Variants in RFTN2 observed in about 807,000 individuals in gnomAD.
The protein encoded by RFTN2 is raftlin family member 2.
Under a neutral mutation model 52.7 loss-of-function variants are expected in RFTN2, and 34 were observed. The ratio of observed to expected loss-of-function variants is 0.64; its 90% confidence interval spans 0.49 to 0.86. RFTN2 has a LOEUF of 0.86. Among genes scored for constraint, RFTN2 ranks in the 40% least tolerant of loss-of-function variants. The pLI is 0.00. For synonymous variants in RFTN2, 203 were observed against 217.7 expected (o/e 0.93, Z 0.59); for missense variants, 536 against 600.1 (o/e 0.89, Z 1.12).
chr2:197,651,873 T>C (rs1385988260), intron 1 of RFTN2, among the ~76,000 whole-genome samples: 1 of 152,158 alleles, frequency 6.6e-6, no homozygotes, highest in African/African-American at 2.4e-5. Context: ...GCAACGTAGG[T>C]TGCAAAATGA....
intron 5 of RFTN2, among the ~76,000 whole-genome samples, chr2:197,620,732 C>T (rs919425153): frequency 6.6e-6 from 1 of 152,116 alleles, no homozygotes; most frequent in South Asian, 2.1e-4. Flanking sequence ...TTTGGGAGGC[C>T]GAGGCAGGCA....
intron 5 of RFTN2, among the ~76,000 whole-genome samples, chr2:197,619,534 C>A (rs2088221202): frequency 1.3e-5 from 2 of 149,088 alleles, no homozygotes; most frequent in African/African-American, 4.9e-5. Context: ...TAAACAGATG[C>A]TTGAAGGCAG....
chr2:197,624,597 C>CAAAAAAAAAA (rs746144794), intron 5 of RFTN2, among the ~76,000 whole-genome samples: 2 of 57,912 alleles, frequency 3.5e-5, no homozygotes, highest in African/African-American at 7.3e-5. Flanking sequence ...GACTCTGTCT[C>CAAAAAAAAAA]AAAAAAAAAA....
intron 8 of RFTN2, among the ~76,000 whole-genome samples, chr2:197,575,758 T>TTA (rs1275909592): frequency 7.8e-6 from 1 of 127,620 alleles, no homozygotes; most frequent in Non-Finnish European, 1.7e-5. Context: ...AATATATTTT[T>TTA]TATATATATA....
At chr2:197,633,269 T>C (rs1229443791) in intron 4 of RFTN2, among the ~76,000 whole-genome samples, 1 of 152,226 alleles carries the variant, frequency 6.6e-6, no homozygotes, top group African/African-American at 2.4e-5. Flanking sequence ...TTTCACATTC[T>C]AGTTGATGAT....
At chr2:197,598,281 C>G (rs916104775) in intron 7 of RFTN2, among the ~76,000 whole-genome samples, 15 of 151,930 alleles carry the variant, frequency 9.9e-5, no homozygotes, top group Non-Finnish European at 1.9e-4. Flanking sequence ...GATCACGCCA[C>G]TGAACTCTAC....
At chr2:197,634,217 C>G (rs984852726) in intron 3 of RFTN2, among the ~76,000 whole-genome samples, 10 of 152,082 alleles carry the variant, frequency 6.6e-5, no homozygotes, top group Non-Finnish European at 1.2e-4. Flanking sequence ...ACCAAATATA[C>G]TTTAGAAATT....
chr2:197,658,131 GT>G lies in RFTN2; in HGVS notation c.140-11466del, dbSNP rs1442268554. On this transcript the variant is annotated intron_variant, in intron 1 of 8. Coordinates refer to ENST00000295049, the MANE Select transcript of RFTN2 (RefSeq NM_144629.3). ...GCAGTAATATCAGAGCCTCTATTATGTTTTTTTCCCCCTCATGCTACCTTGT... is the reference window on the plus strand; with the variant it reads ...GCAGTAATATCAGAGCCTCTATTATGTTTTTTCCCCCTCATGCTACCTTGT... Among the ~76,000 whole-genome samples the G allele has an allele frequency of 2.7e-5, 4 of 149,086 alleles. 1 individual carries two copies. The highest frequency in any genetic ancestry group is 5.0e-5 in the African/African-American group (2 of 40,328).
intron 7 of RFTN2, among the ~76,000 whole-genome samples, chr2:197,606,134 C>T (rs997795354): frequency 6.6e-6 from 1 of 152,056 alleles, no homozygotes; most frequent in African/African-American, 2.4e-5. Context: ...AGACTTTTTT[C>T]ACCCCCTCAC....
rs2087502072 is a variant in RFTN2, at chr2:197,581,166, G to A, written c.1234-8886C>T. Among the ~76,000 whole-genome samples, 3 of 152,152 alleles carry A rather than the reference G, an allele frequency of 2.0e-5. No individual in the cohort carries two copies. In the South Asian group the frequency reaches 6.2e-4, roughly 32 times the overall value. On this transcript the variant is annotated intron_variant, in intron 8 of 8. Transcript: ENST00000295049. ...GTTATTGCTCACCTGCTACAGCATGGGCTTCTAAAACCTATAAACTCTCCT... is the reference window on the plus strand; with the variant it reads ...GTTATTGCTCACCTGCTACAGCATGAGCTTCTAAAACCTATAAACTCTCCT...
chr2:197,624,522 C>T (rs892808669), intron 5 of RFTN2, among the ~76,000 whole-genome samples: 12 of 148,132 alleles, frequency 8.1e-5, no homozygotes, highest in Middle Eastern at 3.5e-3. Context: ...GGCGTGAACC[C>T]GGGAGGCGGA....
chr2:197,590,461 T>A (rs1046739014), intron 8 of RFTN2, among the ~76,000 whole-genome samples: 1 of 152,046 alleles, frequency 6.6e-6, no homozygotes, highest in Non-Finnish European at 1.5e-5. Context: ...AAGAAAAAAA[T>A]CCAATGATAC....
chr2:197,575,548 C>T (rs1345640183), intron 8 of RFTN2, among the ~76,000 whole-genome samples: 2 of 151,998 alleles, frequency 1.3e-5, no homozygotes, highest in South Asian at 2.1e-4. Context: ...GCAGAGAATG[C>T]TCTTGGTTCA....
intron 8 of RFTN2, chr2:197,587,926 G>C: frequency 2.2e-6 from 1 of 459,014 alleles, no homozygotes; most frequent in South Asian, 1.6e-5. Context: ...CCCAGACCCA[G>C]AAAGAAAACA....
chr2:197,614,629 G>A lies in RFTN2; in HGVS notation c.1154+1247C>T, dbSNP rs536457234. ...CACCCCTAGACGCTACCATGGGGCC[G>A]GAGCCCCACAGCACTCACCCCAGCT... On this transcript the variant is annotated intron_variant, in intron 7 of 8. Coordinates refer to ENST00000295049, the MANE Select transcript of RFTN2 (RefSeq NM_144629.3). Among the ~76,000 whole-genome samples, 76 of 152,266 alleles carry A rather than the reference G, an allele frequency of 5.0e-4. 2 individuals carry two copies. The South Asian group carries it at 8.3e-3, about 17-fold the overall frequency.
chr2:197,675,446 G>C lies in RFTN2; in HGVS notation c.13C>G (p.Leu5Val). ...TCATCAGGGTCTTCTAGCTTTCTAA[G>C]TCCGCACCCCATGGCAAAATCTGTA... MGCGLRKLEDPDDSS... is the reference protein window; with the variant it reads MGCGVRKLEDPDDSS... The change falls in exon 1 of 9, where the codon CTT (leucine) becomes GTT (valine). Residue 5 changes from leucine (L) to valine (V), a missense_variant. Transcript: ENST00000295049. 1 of 1,582,996 alleles carries C rather than the reference G, an allele frequency of 6.3e-7. No individual in the cohort carries two copies. The highest frequency in any genetic ancestry group is 8.6e-7 in the Non-Finnish European group (1 of 1,165,840).
At chr2:197,575,145 T>C (rs1032835198) in intron 8 of RFTN2, among the ~76,000 whole-genome samples, 6 of 152,178 alleles carry the variant, frequency 3.9e-5, no homozygotes, top group Non-Finnish European at 7.4e-5. Context: ...TTAGATCTGA[T>C]GGTTTTATAA....
chr2:197,582,316 T>C (rs1202527133), intron 8 of RFTN2, among the ~76,000 whole-genome samples: 1 of 152,232 alleles, frequency 6.6e-6, no homozygotes, highest in Non-Finnish European at 1.5e-5. Flanking sequence ...TTACCATTGT[T>C]CCTGGCCCAG....
chr2:197,601,902 T>TA (rs1239195588), intron 7 of RFTN2, among the ~76,000 whole-genome samples: 1 of 152,162 alleles, frequency 6.6e-6, no homozygotes, highest in Non-Finnish European at 1.5e-5. Flanking sequence ...TCCGTGGTAT[T>TA]AAAGTGTGAC....
Sources: gnomAD v4.1 joint callset for allele counts (sites outside exome capture counted in the v4.1 genomes callset) on GRCh38, gnomAD v4.1.1 for gene constraint, MANE v1.5 for transcripts, NCBI Gene and HGNC (gene_info 2026-07-23, HGNC 2026-07-21) for gene names.